ARHGEF10L: variants seen among roughly 807,000 people sequenced by gnomAD.
The protein encoded by ARHGEF10L is rho guanine nucleotide exchange factor 10-like protein.
ARHGEF10L carries 69 observed loss-of-function variants against 141.2 expected under a neutral mutation model. The observed-to-expected ratio is 0.49, with a 90% confidence interval of 0.40 to 0.60. The LOEUF is 0.60. Among genes scored for constraint, ARHGEF10L ranks in the 20% least tolerant of loss-of-function variants. The pLI, the probability that ARHGEF10L is intolerant of heterozygous loss-of-function variation, is 0.00. For missense variants in ARHGEF10L, 1,482 were observed against 1,734.3 expected, an observed-to-expected ratio of 0.85 and a Z score of 2.58; for synonymous variants, 711 against 718.5, an observed-to-expected ratio of 0.99 and a Z score of 0.17.
intron 1 of ARHGEF10L, among the ~76,000 whole-genome samples, chr1:17,561,995 G>A (rs2077563022): frequency 6.6e-6 from 1 of 152,224 alleles, no homozygotes; most frequent in Non-Finnish European, 1.5e-5. Flanking sequence ...CCTTGGACAA[G>A]TCGCTTTGCC....
At chr1:17,546,128 T>C (rs1289509928) in intron 1 of ARHGEF10L, among the ~76,000 whole-genome samples, 1 of 152,220 alleles carries the variant, frequency 6.6e-6, no homozygotes, top group Non-Finnish European at 1.5e-5. Context: ...GGCCTTGTGC[T>C]GTGTGGATCA....
At chr1:17,595,036 C>CT (rs1401905758) in intron 4 of ARHGEF10L, among the ~76,000 whole-genome samples, 5 of 152,036 alleles carry the variant, frequency 3.3e-5, no homozygotes, top group South Asian at 4.2e-4. Context: ...CTCTCTCTTC[C>CT]TTTTTAAAAA....
chr1:17,565,953 C>G (rs2077738550), intron 1 of ARHGEF10L, among the ~76,000 whole-genome samples: 2 of 152,164 alleles, frequency 1.3e-5, no homozygotes, highest in Non-Finnish European at 1.5e-5. Flanking sequence ...TCTGCCCCCA[C>G]AGTCTAGCGG....
rs1344928402 is a variant in ARHGEF10L at position 17,625,274 on chromosome 1, G to C, written c.1318-682G>C. Among the ~76,000 whole-genome samples, 1 of 152,230 alleles carries C rather than the reference G, an allele frequency of 6.6e-6. No homozygotes were observed. Among genetic ancestry groups the C allele is most frequent in the East Asian group, 1.9e-4 (1 of 5,202 alleles). On this transcript the variant is annotated intron_variant, in intron 13 of 28. Transcript: ENST00000361221. The surrounding 1 kb of genome is among the most constrained non-coding windows in gnomAD (Gnocchi z 4.5). ...GGAGCAAAGGTTAGAGGCAGGAGGA[G>C]AGGGATGGGCAGGTCTGTTTGGATT...
chr1:17,677,651 G>A (rs573486382), intron 26 of ARHGEF10L, among the ~76,000 whole-genome samples: 5 of 152,312 alleles, frequency 3.3e-5, no homozygotes, highest in African/African-American at 1.2e-4. Flanking sequence ...TAAGACTCAT[G>A]GGTCCCAGAG....
chr1:17,605,950 C>G (rs2081133700), intron 6 of ARHGEF10L, among the ~76,000 whole-genome samples: 1 of 152,178 alleles, frequency 6.6e-6, no homozygotes, highest in African/African-American at 2.4e-5. Flanking sequence ...CCTCCTGGTT[C>G]TGGGACCCGT....
upstream of ARHGEF10L, among the ~76,000 whole-genome samples, chr1:17,539,118 C>T (rs78944230): frequency 1.9e-3 from 284 of 152,228 alleles, 1 homozygote; most frequent in East Asian, 0.011. The surrounding 1 kb of genome is among the most constrained non-coding windows in gnomAD (Gnocchi z 6.0). Flanking sequence ...GGCTACATCA[C>T]TGGGGTGTTG....
chr1:17,629,208 G>T (rs77854055), intron 15 of ARHGEF10L, among the ~76,000 whole-genome samples: 265 of 122,190 alleles, frequency 2.2e-3, no homozygotes, highest in Non-Finnish European at 2.9e-3. Context: ...TTTTTTTTTT[G>T]TAGAGATGGG....
At chr1:17,526,852 C>A in the ARHGEF10L span, among the ~76,000 whole-genome samples, 2 of 151,112 alleles carry the variant, frequency 1.3e-5, no homozygotes, top group African/African-American at 4.9e-5. Context: ...TACAGTGAGC[C>A]AAGATCACAC....
At chr1:17,640,330 C>A in intron 21 of ARHGEF10L, 28 bp downstream of exon 21, 4 of 1,574,486 alleles carry the variant, frequency 2.5e-6, no homozygotes, top group Non-Finnish European at 3.5e-6. Context: ...GAGAGTGCCT[C>A]AGGGGGCAGG....
At chr1:17,651,563 T>A (rs2061937250) in intron 22 of ARHGEF10L, among the ~76,000 whole-genome samples, 1 of 151,662 alleles carries the variant, frequency 6.6e-6, no homozygotes, top group Non-Finnish European at 1.5e-5. Context: ...AGTGGTGGAG[T>A]CACAGAACTG....
intron 26 of ARHGEF10L, among the ~76,000 whole-genome samples, chr1:17,664,850 C>T (rs910486998): frequency 4.6e-5 from 7 of 152,186 alleles, no homozygotes; most frequent in Non-Finnish European, 8.8e-5. Flanking sequence ...TGAGTTGTGT[C>T]GGTTGCTGCC....
intron 26 of ARHGEF10L, among the ~76,000 whole-genome samples, chr1:17,667,354 C>G (rs572187035): frequency 1.6e-4 from 25 of 152,170 alleles, no homozygotes; most frequent in Non-Finnish European, 3.2e-4. Context: ...CTTGGAGGGC[C>G]TCCAGTCTAA....
At chr1:17,688,702 G>A (rs996747289) in intron 27 of ARHGEF10L, among the ~76,000 whole-genome samples, 5 of 152,224 alleles carry the variant, frequency 3.3e-5, no homozygotes, top group Admixed American at 6.5e-5. Context: ...GAGGCTGGGA[G>A]TGGCCATATG....
chr1:17,609,139 T>C (rs2059412189), intron 7 of ARHGEF10L, among the ~76,000 whole-genome samples: 1 of 152,224 alleles, frequency 6.6e-6, no homozygotes, highest in Admixed American at 6.5e-5. Context: ...GGGCCATTCC[T>C]GCATGGGCAG....
rs141657283 is a variant in ARHGEF10L, at chr1:17,587,678, G to A, written c.223+33G>A. On this transcript the variant is annotated intron_variant, in intron 3 of 28. Coordinates refer to ENST00000361221, the MANE Select transcript of ARHGEF10L (RefSeq NM_018125.4). Reference sequence around the variant, plus strand: ...GTTTCTGGGAACTTCCGGTCCTGGGGCTACAGGGAGCATGGAGAACTGGGC... The same window carrying A: ...GTTTCTGGGAACTTCCGGTCCTGGGACTACAGGGAGCATGGAGAACTGGGC... 3.7e-4 allele frequency: 580 copies of A among 1,579,464 alleles called. 4 individuals are homozygous for A. In the African/African-American group the frequency reaches 5.9e-3, roughly 16 times the overall value.
At chr1:17,525,006 C>A in the ARHGEF10L span, among the ~76,000 whole-genome samples, 161 of 152,324 alleles carry the variant, frequency 1.1e-3, no homozygotes, top group African/African-American at 3.8e-3. Context: ...GACCCCCTTC[C>A]CCCATCCTTC....
At chr1:17,616,280 C>A in intron 9 of ARHGEF10L, 78 bp downstream of exon 9, 1 of 1,248,536 alleles carries the variant, frequency 8.0e-7, no homozygotes, top group Non-Finnish European at 1.2e-6. Context: ...TTGCTTTACA[C>A]CCCAGAGGTC....
At chr1:17,613,501 G>T (rs997843884) in intron 8 of ARHGEF10L, among the ~76,000 whole-genome samples, 3 of 152,216 alleles carry the variant, frequency 2.0e-5, no homozygotes, top group African/African-American at 7.2e-5. Flanking sequence ...AAAAATGCAG[G>T]TTCCTGAGTT....
Sources: gnomAD v4.1 joint callset for allele counts (sites outside exome capture counted in the v4.1 genomes callset) on GRCh38, gnomAD v4.1.1 for gene constraint, Gnocchi (gnomAD v3.1) non-coding constraint, MANE v1.5 for transcripts, NCBI Gene and HGNC (gene_info 2026-07-23, HGNC 2026-07-21) for gene names.